The following CAMSAP1 variants were observed in gnomAD, a reference collection of about 807,000 sequenced individuals.
CAMSAP1 encodes calmodulin-regulated spectrin-associated protein 1.
CAMSAP1 carries 58 observed loss-of-function variants against 143.5 expected under a neutral mutation model. The ratio of observed to expected loss-of-function variants is 0.40; its 90% CI spans 0.33 to 0.50. CAMSAP1 has a LOEUF of 0.50. CAMSAP1 is among the 20% of genes least tolerant of loss of function. The pLI, the probability that CAMSAP1 is intolerant of heterozygous loss-of-function variation, is 0.45. For missense variants in CAMSAP1, 1,969 were observed against 2,115.7 expected, an observed-to-expected ratio of 0.93 and a Z score of 1.36; for synonymous variants, 945 against 859.3, an observed-to-expected ratio of 1.10 and a Z score of -1.74.
chr9:135,882,925 T>C lies in CAMSAP1; in HGVS notation c.314A>G (p.Gln105Arg), dbSNP rs1166760791. 2.6e-6 allele frequency: 4 copies of C among 1,551,596 alleles called. No homozygotes were observed. The African/African-American group carries it at 4.1e-5, about 16-fold the overall frequency. Residue 105 changes from glutamine (Q) to arginine (R), a missense_variant, in exon 2 of 17, where the codon CAG becomes CGG. Transcript: ENST00000389532. This position sits in a 1 kb window ranked among gnomAD's most constrained non-coding sequence, Gnocchi z 4.9. ...ILKGDQVAALQGHQSVIQALS... is the reference protein window; with the variant it reads ...ILKGDQVAALRGHQSVIQALS... ...GGCCTGGATGACAGACTGGTGTCCCTGTAAGGCGGCCACCTGGTCCCCTTT... is the reference window on the plus strand; with the variant it reads ...GGCCTGGATGACAGACTGGTGTCCCCGTAAGGCGGCCACCTGGTCCCCTTT...
intron 7 of CAMSAP1, among the ~76,000 whole-genome samples, chr9:135,841,254 C>A (rs886283629): frequency 6.6e-6 from 1 of 152,206 alleles, no homozygotes; most frequent in Non-Finnish European, 1.5e-5. Flanking sequence ...CTGGGTGGAG[C>A]CCTCCAGAGC....
Position 135,882,960 on chromosome 9 carries a change from G to T in CAMSAP1, c.279C>A (p.Ser93Arg). The change falls in exon 2 of 17, where the codon AGC (serine) becomes AGA (arginine). Residue 93 changes from serine to arginine, a missense_variant. Physicochemically the swap from Ser to Arg is moderately radical, Grantham distance 110. Coordinates refer to ENST00000389532, the MANE Select transcript of CAMSAP1 (RefSeq NM_015447.4). The surrounding 1 kb of genome is among the most constrained non-coding windows in gnomAD (Gnocchi z 4.9). ...CCACCTGGTCCCCTTTCAGGATGAGGCTGCAGACACGGCAGTACAGCTCGC... is the reference window on the plus strand; with the variant it reads ...CCACCTGGTCCCCTTTCAGGATGAGTCTGCAGACACGGCAGTACAGCTCGC... ...LSSELYCRVCSLILKGDQVAA... is the reference protein window; with the variant it reads ...LSSELYCRVCRLILKGDQVAA... 3 of 1,551,798 alleles carry T rather than the reference G, an allele frequency of 1.9e-6. No homozygotes were observed. Among genetic ancestry groups the T allele is most frequent in the Non-Finnish European group, 2.6e-6 (3 of 1,147,016 alleles).
chr9:135,867,597 C>T lies in CAMSAP1; in HGVS notation c.586-1061G>A, dbSNP rs1192359485. On this transcript the variant is annotated intron_variant, in intron 3 of 16. Transcript: ENST00000389532. Reference sequence around the variant, plus strand: ...AGTCGAAGCCACTAAAAAAGCACCACGTAAAAACACATCCTTCTTAAAATG... The same window carrying T: ...AGTCGAAGCCACTAAAAAAGCACCATGTAAAAACACATCCTTCTTAAAATG... Among the ~76,000 whole-genome samples, 5 of 151,726 alleles carry T rather than the reference C, an allele frequency of 3.3e-5. No individual in the cohort carries two copies. The East Asian group carries it at 5.8e-4, about 18-fold the overall frequency.
At position 135,821,690 on chromosome 9, in the gene CAMSAP1, C is replaced by G; in HGVS notation, c.2971G>C (p.Val991Leu). 2 of 1,614,040 alleles carry G rather than the reference C, an allele frequency of 1.2e-6. No individual in the cohort carries two copies. The highest frequency in any genetic ancestry group is 1.7e-6 in the Non-Finnish European group (2 of 1,179,886). The change falls in exon 11 of 17, where the codon GTG (valine) becomes CTG (leucine). Residue 991 changes from valine to leucine, a missense_variant. This residue lies in a region of CAMSAP1 where 1,390 missense variants were observed against 1,420.8 expected (regional missense o/e 0.98). Coordinates refer to ENST00000389532, the MANE Select transcript of CAMSAP1 (RefSeq NM_015447.4). The surrounding 1 kb of genome is among the most constrained non-coding windows in gnomAD (Gnocchi z 4.6). ...TTTCTCTCCAGCTCGTGCAGAGCCA[C>G]AGGGTCTTTTGCTTTATGTTGCTGA... ...FAQQHKAKDPVALHELERNKV... is the reference protein window; with the variant it reads ...FAQQHKAKDPLALHELERNKV...
rs1835696896 is a variant in CAMSAP1 at position 135,826,965 on chromosome 9, C to T, written c.1223+442G>A. Among the ~76,000 whole-genome samples, 2 of 152,236 alleles carry T rather than the reference C, an allele frequency of 1.3e-5. No individual in the cohort carries two copies. Among genetic ancestry groups the T allele is most frequent in the South Asian group, 4.1e-4 (2 of 4,828 alleles). On this transcript the variant is annotated intron_variant, in intron 8 of 16. Coordinates refer to ENST00000389532, the MANE Select transcript of CAMSAP1 (RefSeq NM_015447.4). This position sits in a 1 kb window ranked among gnomAD's most constrained non-coding sequence, Gnocchi z 4.4. ...TTAAGCAGCTCTATACACTTTTTCACTCGAATCAAATTAATTCTTCCCCAA... is the reference window on the plus strand; with the variant it reads ...TTAAGCAGCTCTATACACTTTTTCATTCGAATCAAATTAATTCTTCCCCAA...
Position 135,882,681 on chromosome 9 carries a change from G to T in CAMSAP1, c.423+135C>A, listed in dbSNP as rs939953059. Reference sequence around the variant, plus strand: ...AAAGATATGCAGTTTCCTAAGGAACGCCAGTGTGCAAAAGCACGGGTCTCC... The same window carrying T: ...AAAGATATGCAGTTTCCTAAGGAACTCCAGTGTGCAAAAGCACGGGTCTCC... On this transcript the variant is annotated intron_variant, in intron 2 of 16. Transcript: ENST00000389532. The surrounding 1 kb of genome is among the most constrained non-coding windows in gnomAD (Gnocchi z 4.9). 1.0e-5 allele frequency: 10 copies of T among 964,844 alleles called. No homozygotes were observed. Among genetic ancestry groups the T allele is most frequent in the Non-Finnish European group, 1.3e-5 (9 of 667,404 alleles). The allele number at this position is 964,844 out of a possible 1,614,324, so 59.8% of individuals were successfully genotyped here.
In CAMSAP1 at chr9:135,821,613, G is replaced by A. The variant is rs117165081; in HGVS notation, c.3048C>T (p.Asp1016=). 6.8e-4 allele frequency: 1,094 copies of A among 1,613,974 alleles called. 11 individuals are homozygous for A. In the South Asian group the frequency reaches 9.0e-3, roughly 13 times the overall value. Residue 1016 remains aspartate (D), a synonymous_variant, in exon 11 of 17, where the codon GAC becomes GAT. Transcript: ENST00000389532. This position sits in a 1 kb window ranked among gnomAD's most constrained non-coding sequence, Gnocchi z 4.6. The part of the protein sequence containing the change: ...LLEDTVGEVV[D]VNECDLSIEK... The stretch of plus-strand genomic sequence containing the variant: ...CGATGGAAAGGTCACATTCATTCAC[G>A]TCGACAACCTCCCCAACAGTGTCCT...
At chr9:135,817,736 C>T in intron 14 of CAMSAP1, 2 of 482,524 alleles carry the variant, frequency 4.1e-6, no homozygotes, top group South Asian at 2.2e-5. Flanking sequence ...CAGGTGTGCA[C>T]GTGTGGGGTG....
intron 5 of CAMSAP1, among the ~76,000 whole-genome samples, chr9:135,857,209 A>G (rs898749045): frequency 3.9e-5 from 6 of 151,960 alleles, no homozygotes; most frequent in African/African-American, 1.5e-4. Flanking sequence ...ATTTTTCTAC[A>G]TTTTGTGTTG....
rs1043713487 is a variant in CAMSAP1, at chr9:135,826,590, C to T, written c.1223+817G>A. On this transcript the variant is annotated intron_variant, in intron 8 of 16. Coordinates refer to ENST00000389532, the MANE Select transcript of CAMSAP1 (RefSeq NM_015447.4). This position sits in a 1 kb window ranked among gnomAD's most constrained non-coding sequence, Gnocchi z 4.4. The stretch of plus-strand genomic sequence containing the variant: ...TCAAACAACCTGAAACAACTGAGTT[C>T]GTTCTATGCCATGCTGTCTCACTGA... 2.3e-4 allele frequency among the ~76,000 whole-genome samples: 35 copies of T among 152,320 alleles called. 1 individual carries two copies. The highest frequency in any genetic ancestry group is 2.0e-3 in the Admixed American group (30 of 15,300).
At chr9:135,880,674 C>T (rs1274649393) in intron 3 of CAMSAP1, among the ~76,000 whole-genome samples, 1 of 152,192 alleles carries the variant, frequency 6.6e-6, no homozygotes, top group Non-Finnish European at 1.5e-5. Flanking sequence ...CATGTGCAAG[C>T]TAACTATCAG....
chr9:135,838,654 A>G lies in CAMSAP1; in HGVS notation c.1046-11070T>C, dbSNP rs111400473. Among the ~76,000 whole-genome samples the G allele has an allele frequency of 4.8e-3, 588 of 123,750 alleles. 3 individuals carry two copies. Among genetic ancestry groups the G allele is most frequent in the African/African-American group, 0.018 (530 of 30,158 alleles). 81.2% of individuals were successfully genotyped at this position (123,750 alleles called of 152,430 possible). On this transcript the variant is annotated intron_variant, in intron 7 of 16. Transcript: ENST00000389532. ...CTTTCCACCCGTTCTACAGACACAC[A>G]TCATCACGCACTTTCCACCCGTTCT...
chr9:135,841,825 C>A (rs1836362902), intron 7 of CAMSAP1, among the ~76,000 whole-genome samples: 3 of 152,170 alleles, frequency 2.0e-5, no homozygotes. Flanking sequence ...GACATCCACA[C>A]AAAAACCCCA....
At chr9:135,899,641 A>T (rs893646258) in intron 1 of CAMSAP1, among the ~76,000 whole-genome samples, 1 of 152,056 alleles carries the variant, frequency 6.6e-6, no homozygotes, top group Non-Finnish European at 1.5e-5. Context: ...CACTTTTTCC[A>T]GTCTAATTTC....
At chr9:135,880,861 G>A (rs1405609841) in intron 3 of CAMSAP1, among the ~76,000 whole-genome samples, 1 of 152,118 alleles carries the variant, frequency 6.6e-6, no homozygotes, top group African/African-American at 2.4e-5. Context: ...TAAATCATTA[G>A]ACACTACTAA....
chr9:135,821,210 C>G lies in CAMSAP1; in HGVS notation c.3451G>C (p.Asp1151His). The G allele has an allele frequency of 1.2e-6, 2 of 1,609,256 alleles. No individual in the cohort carries two copies. Among genetic ancestry groups the G allele is most frequent in the Non-Finnish European group, 1.7e-6 (2 of 1,179,876 alleles). ...HPRTPTDPGL[D>H]SALEPSGDPH... ...TCACCACTGGGCTCCAGGGCACTGTCCAGGCCAGGGTCCGTGGGCGTCCGA... is the reference window on the plus strand; with the variant it reads ...TCACCACTGGGCTCCAGGGCACTGTGCAGGCCAGGGTCCGTGGGCGTCCGA... The change falls in exon 11 of 17, where the codon GAC (aspartate) becomes CAC (histidine). Residue 1151 changes from aspartate (D) to histidine (H), a missense_variant. By Grantham distance (81) the Asp-to-His change is moderately conservative. Transcript: ENST00000389532. The surrounding 1 kb of genome is among the most constrained non-coding windows in gnomAD (Gnocchi z 4.6).
chr9:135,818,435 C>T lies in CAMSAP1; in HGVS notation c.4141G>A (p.Asp1381Asn), dbSNP rs373903685. ...KSVHREESCS[D>N]SGTKCSSTPD... is the part of the protein sequence containing the mutation. ...GTGGAGGAGCACTTGGTGCCGGAGT[C>T]GCTGCACGACTCTTCCCGGTGCACC... The change falls in exon 13 of 17, where the codon GAC becomes AAC. Residue 1381 changes from aspartate (D) to asparagine (N), a missense_variant. Physicochemically the swap from Asp to Asn is conservative, Grantham distance 23 (BLOSUM62 1). Around this residue, in one of 4 missense-constraint regions of CAMSAP1, gnomAD observed 1,390 missense variants for 1,420.8 expected, o/e 0.98. Coordinates refer to ENST00000389532, the MANE Select transcript of CAMSAP1 (RefSeq NM_015447.4). The surrounding 1 kb of genome is among the most constrained non-coding windows in gnomAD (Gnocchi z 7.7). 28 of 1,593,874 alleles carry T rather than the reference C, an allele frequency of 1.8e-5. No homozygotes were observed. Among genetic ancestry groups the T allele is most frequent in the Non-Finnish European group, 2.3e-5 (27 of 1,175,096 alleles).
chr9:135,877,511 A>G (rs1390717191), intron 3 of CAMSAP1, among the ~76,000 whole-genome samples: 1 of 151,720 alleles, frequency 6.6e-6, no homozygotes, highest in Non-Finnish European at 1.5e-5. Context: ...AAAAAAAAAA[A>G]AAGAAAAAAA....
intron 7 of CAMSAP1, among the ~76,000 whole-genome samples, chr9:135,842,716 C>A (rs1271403283): frequency 1.3e-5 from 2 of 152,130 alleles, no homozygotes; most frequent in Non-Finnish European, 1.5e-5. Flanking sequence ...AATTTTCAAC[C>A]CAGAATTTCA....
Sources: gnomAD v4.1 joint callset for allele counts (sites outside exome capture counted in the v4.1 genomes callset) on GRCh38, gnomAD v4.1.1 for gene constraint, gnomAD v4.1.1 regional missense constraint, Gnocchi (gnomAD v3.1) non-coding constraint, MANE v1.5 for transcripts, NCBI Gene and HGNC (gene_info 2026-07-23, HGNC 2026-07-21) for gene names.